The following SLC41A1 variants were observed in gnomAD, a reference collection of about 807,000 sequenced individuals.
The protein encoded by SLC41A1 is solute carrier family 41 member 1.
A neutral mutation model predicts 47.3 loss-of-function variants in SLC41A1; 20 were observed. The observed-to-expected ratio is 0.42, with a 90% confidence interval of 0.30 to 0.61. SLC41A1 has a LOEUF of 0.61. Ranked by LOEUF, SLC41A1 falls within the 20% of genes least tolerant of loss-of-function variation. The pLI is 0.17. For missense variants in SLC41A1, 504 were observed against 674.1 expected (o/e 0.75, Z 2.79); for synonymous variants, 282 against 272.7 (o/e 1.03, Z -0.34).
At chr1:205,796,457 G>C (rs995162852) in intron 8 of SLC41A1, 3 of 131,024 alleles carry the variant, frequency 2.3e-5, no homozygotes, top group Non-Finnish European at 5.0e-5. Context: ...ATAAAGCGAG[G>C]TTTGCCTCTC....
At chr1:205,812,681 G>A (rs1251480287) in intron 1 of SLC41A1, 127 bp downstream of exon 1, 4 of 929,398 alleles carry the variant, frequency 4.3e-6, no homozygotes, top group Non-Finnish European at 5.1e-6. Context: ...CCAACCCCGA[G>A]GAGGGAGAGA....
intron 9 of SLC41A1, 76 bp from the exon 10 acceptor site, chr1:205,795,094 AGGGACG>A: frequency 6.3e-7 from 1 of 1,581,944 alleles, no homozygotes; most frequent in Non-Finnish European, 8.6e-7. Flanking sequence ...CAAAGTCAGG[AGGGACG>A]GCACCATACC....
chr1:205,796,174 A>C (rs1655745164), intron 8 of SLC41A1: 1 of 160,690 alleles, frequency 6.2e-6, no homozygotes, highest in South Asian at 1.8e-4. Flanking sequence ...GGGCAGGTGG[A>C]GAGAGAGATC....
chr1:205,793,010 C>T (rs1269629832), intron 10 of SLC41A1, among the ~76,000 whole-genome samples: 1 of 152,050 alleles, frequency 6.6e-6, no homozygotes, highest in Non-Finnish European at 1.5e-5. Flanking sequence ...CCAGAGATGA[C>T]TCTTCACATT....
rs762308574 is a variant in SLC41A1 at position 205,791,730 on chromosome 1, A to G, written c.1357-12T>C. On this transcript the variant is annotated splice_polypyrimidine_tract_variant and intron_variant, in intron 10 of 10. Transcript: ENST00000367137. The surrounding 1 kb of genome is among the most constrained non-coding windows in gnomAD (Gnocchi z 4.0). ...AGGAGAATCAGCACCTGGGGAGACA[A>G]AAGGGCCCAGCCTATAGCCATCCTC... The G allele has an allele frequency of 1.2e-5, 20 of 1,612,680 alleles. No homozygotes were observed. The East Asian group carries it at 4.0e-4, about 32-fold the overall frequency.
Position 205,795,443 on chromosome 1 carries a change from G to A in SLC41A1, c.1108C>T (p.Arg370Cys), listed in dbSNP as rs1270385012. 2 of 1,614,162 alleles carry A rather than the reference G, an allele frequency of 1.2e-6. No homozygotes were observed. Among genetic ancestry groups the A allele is most frequent in the Admixed American group, 1.7e-5 (1 of 60,020 alleles). ...TTCATGTGCAGGAAGGTGGAGATGC[G>A]GCTGGCCTGCACTGCCACCAGATTG... Reference protein sequence around the residue: ...GGNLVAVQASRISTFLHMNGM... With the variant: ...GGNLVAVQASCISTFLHMNGM... The change falls in exon 9 of 11, where the codon CGC becomes TGC. Residue 370 changes from arginine to cysteine, a missense_variant. Physicochemically the swap from Arg to Cys is radical, Grantham distance 180. Around this residue, in one of 2 missense-constraint regions of SLC41A1, gnomAD observed 421 missense variants for 601.6 expected, o/e 0.70. Coordinates refer to ENST00000367137, the MANE Select transcript of SLC41A1 (RefSeq NM_173854.6).
chr1:205,802,719 A>AAAAATAAAATAAAATAAAAT (rs60350796), intron 2 of SLC41A1, among the ~76,000 whole-genome samples: 5,750 of 133,346 alleles, frequency 0.043, 287 homozygotes, highest in African/African-American at 0.098. Context: ...ACTCTGTCTC[A>AAAAATAAAATAAAATAAAAT]AAAATAAAAT....
intron 8 of SLC41A1, chr1:205,796,376 A>C (rs1421220673): frequency 5.6e-6 from 1 of 178,296 alleles, no homozygotes; most frequent in Non-Finnish European, 1.2e-5. Context: ...TGCCTTTAAG[A>C]GTGAATAGGT....
At position 205,791,413 on chromosome 1, in the gene SLC41A1, TG is replaced by T; in HGVS notation, c.*119del. 8.3e-7 allele frequency: 1 copy of T among 1,207,032 alleles called. No homozygotes were observed. Among genetic ancestry groups the T allele is most frequent in the Non-Finnish European group, 1.2e-6 (1 of 832,392 alleles). 74.8% of individuals were successfully genotyped at this position (1,207,032 alleles called of 1,614,324 possible). A position where few individuals can be genotyped will look rare whatever the true frequency, so the allele number is the denominator to read the frequency against. ...ATTCCCATTGAAAATAATGAGAATT[TG>T]GTATCAAAGTGAAGTCCTAGAAAGA... On this transcript the variant is annotated 3_prime_UTR_variant, in exon 11 of 11. Coordinates refer to ENST00000367137, the MANE Select transcript of SLC41A1 (RefSeq NM_173854.6). This position sits in a 1 kb window ranked among gnomAD's most constrained non-coding sequence, Gnocchi z 4.0.
chr1:205,797,838 G>A (rs908282487), intron 7 of SLC41A1, 66 bp downstream of exon 7: 6 of 1,604,996 alleles, frequency 3.7e-6, no homozygotes, highest in Admixed American at 3.3e-5. Context: ...TCTCTCCAGG[G>A]TTTAAAAAGA....
intron 10 of SLC41A1, among the ~76,000 whole-genome samples, chr1:205,792,868 C>T (rs934510135): frequency 6.6e-6 from 1 of 152,110 alleles, no homozygotes; most frequent in Non-Finnish European, 1.5e-5. Context: ...GGAACCACAG[C>T]CCTTAAGGGA....
chr1:205,798,679 G>A lies in SLC41A1; in HGVS notation c.834C>T (p.Tyr278=). The A allele has an allele frequency of 6.2e-7, 1 of 1,614,170 alleles. No individual in the cohort carries two copies. Among genetic ancestry groups the A allele is most frequent in the Non-Finnish European group, 8.5e-7 (1 of 1,180,032 alleles). ...CTCTTGGTGGCTCACTCAGTTCCAG[G>A]TAGAGTCCCCAGCTGATGCCTGAGA... The part of the protein sequence containing the change: ...ALLSGISWGL[Y]LELNHWRYIY... The change falls in exon 6 of 11, where the codon TAC becomes TAT. Residue 278 remains tyrosine (Y), a synonymous_variant. Coordinates refer to ENST00000367137, the MANE Select transcript of SLC41A1 (RefSeq NM_173854.6).
At chr1:205,794,385 G>A (rs1033922585) in intron 10 of SLC41A1, among the ~76,000 whole-genome samples, 1 of 152,160 alleles carries the variant, frequency 6.6e-6, no homozygotes, top group Admixed American at 6.5e-5. Context: ...CAAGAAGGGA[G>A]AAAGTGTCAT....
chr1:205,799,944 G>C lies in SLC41A1; in HGVS notation c.481-114C>G. 3.4e-6 allele frequency: 3 copies of C among 885,494 alleles called. No homozygotes were observed. In the South Asian group the frequency reaches 4.2e-5, roughly 12 times the overall value. The allele number at this position is 885,494 out of a possible 1,614,324, so 54.9% of individuals were successfully genotyped here. A position where few individuals can be genotyped will look rare whatever the true frequency, so the allele number is the denominator to read the frequency against. On this transcript the variant is annotated intron_variant, in intron 3 of 10. Transcript: ENST00000367137. The stretch of plus-strand genomic sequence containing the variant: ...GTACATGTGGCCTAAGACTCTGAGA[G>C]CAGGACCTGACAGTCCCGGAAAGGT...
At chr1:205,805,227 G>C (rs1655988907) in intron 2 of SLC41A1, among the ~76,000 whole-genome samples, 1 of 152,146 alleles carries the variant, frequency 6.6e-6, no homozygotes, top group Non-Finnish European at 1.5e-5. Flanking sequence ...TTGGCACTTG[G>C]GTCAGAGAAG....
At chr1:205,797,317 C>T (rs538967641) in intron 7 of SLC41A1, among the ~76,000 whole-genome samples, 2 of 152,306 alleles carry the variant, frequency 1.3e-5, no homozygotes, top group African/African-American at 2.4e-5. Context: ...GTTGTTCTGC[C>T]CACTCAGCAT....
chr1:205,807,606 C>T (rs1656043161), intron 2 of SLC41A1, among the ~76,000 whole-genome samples: 1 of 150,294 alleles, frequency 6.7e-6, no homozygotes. Flanking sequence ...CTAATCCACC[C>T]AGTTCTTCAA....
chr1:205,792,219 T>G (rs1655642427), intron 10 of SLC41A1, among the ~76,000 whole-genome samples: 1 of 152,214 alleles, frequency 6.6e-6, no homozygotes. Context: ...TGCTGGCGGT[T>G]GTCTTAAGTA....
intron 2 of SLC41A1, among the ~76,000 whole-genome samples, chr1:205,807,240 C>T (rs1002518445): frequency 2.5e-4 from 38 of 152,208 alleles, no homozygotes; most frequent in African/African-American, 8.9e-4. Context: ...GCACTCACCC[C>T]CTCCTGCCAT....
Sources: allele counts gnomAD v4.1 joint callset (sites outside exome capture counted in the v4.1 genomes callset), GRCh38; gene constraint gnomAD v4.1.1; regional missense constraint gnomAD v4.1.1; non-coding constraint Gnocchi (gnomAD v3.1); transcripts MANE v1.5; gene names NCBI Gene and HGNC (gene_info 2026-07-23, HGNC 2026-07-21).